PLB1: variants seen among roughly 807,000 people sequenced by gnomAD.
PLB1 encodes phospholipase B1.
Under a neutral mutation model 227.4 loss-of-function variants are expected in PLB1, and 242 were observed. The observed-to-expected ratio is 1.06, with a 90% confidence interval of 0.96 to 1.18. The LOEUF (loss-of-function observed/expected upper bound fraction) is 1.18. Among genes scored for constraint, PLB1 ranks in the 50% most tolerant of loss-of-function variants. PLB1 has a pLI of 0.00. For missense variants in PLB1, 1,858 were observed against 1,816.3 expected (o/e 1.02, Z -0.42); for synonymous variants, 757 against 682.2 (o/e 1.11, Z -1.71).
In PLB1 at chr2:28,628,496, C is replaced by T. The variant is rs577563282; in HGVS notation, c.3661-67C>T. 14 of 1,445,134 alleles carry T rather than the reference C, an allele frequency of 9.7e-6. No homozygotes were observed. The South Asian group carries it at 1.5e-4, about 15-fold the overall frequency. The allele number at this position is 1,445,134 out of a possible 1,614,324, so 89.5% of individuals were successfully genotyped here. ...ATTTAGCCCAGGCCCCAGAGCCCTCCTATGCTCTTGCCATTCTCTCAGAGC... is the reference window on the plus strand; with the variant it reads ...ATTTAGCCCAGGCCCCAGAGCCCTCTTATGCTCTTGCCATTCTCTCAGAGC... On this transcript the variant is annotated intron_variant, in intron 51 of 57. Coordinates refer to ENST00000327757, the MANE Select transcript of PLB1 (RefSeq NM_153021.5).
intron 57 of PLB1, among the ~76,000 whole-genome samples, chr2:28,641,545 T>G (rs1056722902): frequency 8.5e-5 from 13 of 152,068 alleles, no homozygotes; most frequent in African/African-American, 3.1e-4. Flanking sequence ...GAGGCAGAGG[T>G]TGCAGTGAGC....
intron 40 of PLB1, 54 bp downstream of exon 40, chr2:28,604,101 A>G (rs2148303355): frequency 6.6e-7 from 1 of 1,514,472 alleles, no homozygotes; most frequent in Non-Finnish European, 9.2e-7. Flanking sequence ...TCACTCTAAC[A>G]CACAGCCCAG....
In PLB1 at chr2:28,628,586, T is replaced by C. The variant is rs1688143061; in HGVS notation, c.3684T>C (p.Tyr1228=). Reference sequence around the variant, plus strand: ...AGGAGGCCCACTTGGCCACGGAATATGTTCAGCACATCCAACAGGCCCTGG... The same window carrying C: ...AGGAGGCCCACTTGGCCACGGAATACGTTCAGCACATCCAACAGGCCCTGG... ...ENPEAHLATE[Y]VQHIQQALDI... The change falls in exon 52 of 58, where the codon TAT becomes TAC. Residue 1228 remains tyrosine (Y), a synonymous_variant. Transcript: ENST00000327757. 1 of 1,614,146 alleles carries C rather than the reference T, an allele frequency of 6.2e-7. No individual in the cohort carries two copies. The highest frequency in any genetic ancestry group is 1.1e-5 in the South Asian group (1 of 91,080).
Position 28,590,080 on chromosome 2 carries a change from G to T in PLB1, c.2088+4G>T, listed in dbSNP as rs766724514. The T allele has an allele frequency of 1.9e-6, 3 of 1,609,260 alleles. No individual in the cohort carries two copies. In the African/African-American group the frequency reaches 4.0e-5, roughly 21 times the overall value. The stretch of plus-strand genomic sequence containing the variant: ...CAATATCACATGTCCGAACCAGGTA[G>T]AGTGGAAAGCACGTCCTTCCAGGCT... On this transcript the variant is annotated splice_donor_region_variant and intron_variant, in intron 29 of 57. Transcript: ENST00000327757.
intron 17 of PLB1, among the ~76,000 whole-genome samples, 192 bp downstream of exon 17, chr2:28,553,183 A>C (rs1323038586): frequency 6.6e-6 from 1 of 152,220 alleles, no homozygotes; most frequent in Non-Finnish European, 1.5e-5. Flanking sequence ...CATTATCAGA[A>C]AGCATTTATT....
intron 37 of PLB1, 147 bp downstream of exon 37, chr2:28,601,479 AC>A: frequency 3.1e-6 from 2 of 651,442 alleles, no homozygotes; most frequent in Non-Finnish European, 5.5e-6. Context: ...CCACACACAC[AC>A]ACACACACAC....
At chr2:28,502,566 G>A (rs1396297348) in intron 1 of PLB1, among the ~76,000 whole-genome samples, 1 of 152,162 alleles carries the variant, frequency 6.6e-6, no homozygotes, top group East Asian at 1.9e-4. Context: ...TATACCCATT[G>A]CTGGCGTAAA....
intron 1 of PLB1, 113 bp from the exon 2 acceptor site, chr2:28,516,695 A>T: frequency 1.1e-6 from 1 of 903,970 alleles, no homozygotes; most frequent in Non-Finnish European, 1.8e-6. Context: ...AACACAGTGG[A>T]CATTACTGAG....
intron 17 of PLB1, among the ~76,000 whole-genome samples, chr2:28,554,839 CTGAAGATTAGTGTGTTTATCAGTACT>C (rs2148227234): frequency 6.6e-6 from 1 of 152,148 alleles, no homozygotes; most frequent in Non-Finnish European, 1.5e-5. Flanking sequence ...TTCCTTGACC[CTGAAGATTAGTGTGTTTATCAGTACT>C]TGAAGATTAA....
chr2:28,548,966 G>C (rs373860698), intron 15 of PLB1, 35 bp downstream of exon 15: 129 of 1,604,674 alleles, frequency 8.0e-5, no homozygotes, highest in Non-Finnish European at 1.0e-4. Context: ...GACTCTTATT[G>C]AATCGAGGGC....
At chr2:28,641,437 G>T (rs531560797) in intron 57 of PLB1, among the ~76,000 whole-genome samples, 65 of 152,238 alleles carry the variant, frequency 4.3e-4, no homozygotes, top group African/African-American at 1.5e-3. Flanking sequence ...GTGAAACCCC[G>T]TCTCTAGTAA....
At chr2:28,551,059 C>T (rs568321615) in intron 16 of PLB1, among the ~76,000 whole-genome samples, 2 of 152,352 alleles carry the variant, frequency 1.3e-5, no homozygotes, top group African/African-American at 4.8e-5. Context: ...CTGCACTGCC[C>T]AGCACCTCCT....
chr2:28,620,249 T>C lies in PLB1; in HGVS notation c.3316-16T>C. On this transcript the variant is annotated splice_polypyrimidine_tract_variant and intron_variant, in intron 46 of 57. Coordinates refer to ENST00000327757, the MANE Select transcript of PLB1 (RefSeq NM_153021.5). ...GCCTATACCCCAGCCCTGAACTTTC[T>C]TTTTGCTTTTTACAGACAGCAGTGG... 5 of 1,579,294 alleles carry C rather than the reference T, an allele frequency of 3.2e-6. No homozygotes were observed. Among genetic ancestry groups the C allele is most frequent in the Non-Finnish European group, 4.3e-6 (5 of 1,158,558 alleles).
At chr2:28,510,778 T>TTTGTGTGTGTG in intron 1 of PLB1, among the ~76,000 whole-genome samples, 1 of 141,596 alleles carries the variant, frequency 7.1e-6, no homozygotes, top group South Asian at 2.3e-4. Context: ...ACTCAGATAA[T>TTTGTGTGTGTG]TGTGTGTGTG....
intron 20 of PLB1, among the ~76,000 whole-genome samples, chr2:28,569,715 C>T (rs1296929445): frequency 6.6e-6 from 1 of 152,052 alleles, no homozygotes; most frequent in Non-Finnish European, 1.5e-5. Flanking sequence ...CCTGTAATCC[C>T]AGCACTTTGG....
chr2:28,550,976 T>C (rs375229586), intron 16 of PLB1, among the ~76,000 whole-genome samples: 47 of 152,294 alleles, frequency 3.1e-4, no homozygotes, highest in East Asian at 1.4e-3. Context: ...CCTGGGTGCC[T>C]GGAAGCAGGT....
At chr2:28,634,405 T>G (rs951238687) in intron 56 of PLB1, among the ~76,000 whole-genome samples, 1 of 152,232 alleles carries the variant, frequency 6.6e-6, no homozygotes, top group Non-Finnish European at 1.5e-5. Flanking sequence ...ACCTATTCCC[T>G]GTTCCTTTTC....
chr2:28,622,945 C>T (rs941093937), intron 49 of PLB1, among the ~76,000 whole-genome samples: 2 of 152,084 alleles, frequency 1.3e-5, no homozygotes, highest in Non-Finnish European at 2.9e-5. Flanking sequence ...AGATGAACTC[C>T]CTGGCCACGA....
chr2:28,515,397 C>T (rs1055805633), intron 1 of PLB1, among the ~76,000 whole-genome samples: 2 of 152,182 alleles, frequency 1.3e-5, no homozygotes, highest in African/African-American at 2.4e-5. Context: ...AACACCTATG[C>T]CAGCCTTTTC....
Sources: gnomAD v4.1 joint callset for allele counts (sites outside exome capture counted in the v4.1 genomes callset) on GRCh38, gnomAD v4.1.1 for gene constraint, MANE v1.5 for transcripts, NCBI Gene and HGNC (gene_info 2026-07-23, HGNC 2026-07-21) for gene names.